BABAM2: variants seen among roughly 807,000 people sequenced by gnomAD.
BABAM2 encodes the protein BRISC and BRCA1 A complex member 2, also known as BRISC and BRCA1-A complex member 2.
Under a neutral mutation model 54.7 loss-of-function variants are expected in BABAM2, and 31 were observed. The ratio of observed to expected loss-of-function variants is 0.57; its 90% CI spans 0.43 to 0.77. The LOEUF (loss-of-function observed/expected upper bound fraction) is 0.77. BABAM2 is among the 30% of genes least tolerant of loss of function. BABAM2 has a pLI of 0.00. For missense variants in BABAM2, 364 were observed against 455.8 expected (o/e 0.80, Z 1.83); for synonymous variants, 167 against 162.9 (o/e 1.03, Z -0.19).
In BABAM2 at chr2:28,241,528, T is replaced by A; in HGVS notation, c.851+135T>A. 2 of 782,356 alleles carry A rather than the reference T, an allele frequency of 2.6e-6. 1 individual carries two copies. Among genetic ancestry groups the A allele is most frequent in the Non-Finnish European group, 4.2e-6 (2 of 474,344 alleles). 48.5% of individuals were successfully genotyped at this position (782,356 alleles called of 1,614,324 possible). Reference sequence around the variant, plus strand: ...TTTTTTTTTTTTGAGACAGTCTCGCTCTGTCACCCAGGCTGGAGTGTAATG... The same window carrying A: ...TTTTTTTTTTTTGAGACAGTCTCGCACTGTCACCCAGGCTGGAGTGTAATG... On this transcript the variant is annotated intron_variant, in intron 9 of 11. Transcript: ENST00000379624.
chr2:28,284,327 A>G (rs1686621497), intron 10 of BABAM2, among the ~76,000 whole-genome samples: 1 of 152,092 alleles, frequency 6.6e-6, no homozygotes, highest in Non-Finnish European at 1.5e-5. Flanking sequence ...ACAAAACAAA[A>G]AGCTGGACAA....
At chr2:28,281,762 G>A (rs1686380714) in intron 10 of BABAM2, among the ~76,000 whole-genome samples, 1 of 152,192 alleles carries the variant, frequency 6.6e-6, no homozygotes, top group African/African-American at 2.4e-5. Context: ...TTCTAAACAA[G>A]CTACTTTGTG....
chr2:27,926,746 G>C (rs1667735188), intron 2 of BABAM2, among the ~76,000 whole-genome samples: 1 of 151,474 alleles, frequency 6.6e-6, no homozygotes, highest in South Asian at 2.1e-4. Flanking sequence ...TTATCTAAAT[G>C]AAAAAAATCA....
At chr2:28,192,270 G>T (rs537988412) in intron 7 of BABAM2, among the ~76,000 whole-genome samples, 1 of 152,036 alleles carries the variant, frequency 6.6e-6, no homozygotes, top group Non-Finnish European at 1.5e-5. Context: ...TCCTGACCTC[G>T]TGATCTGCCT....
At chr2:28,087,622 T>C (rs934300727) in intron 6 of BABAM2, among the ~76,000 whole-genome samples, 2 of 152,024 alleles carry the variant, frequency 1.3e-5, no homozygotes, top group African/African-American at 4.8e-5. Flanking sequence ...CCAGTACCTC[T>C]ATTTTACCTT....
intron 7 of BABAM2, among the ~76,000 whole-genome samples, chr2:28,175,253 T>G (rs1260464901): frequency 6.6e-6 from 1 of 152,190 alleles, no homozygotes; most frequent in African/African-American, 2.4e-5. Context: ...CCTGCAGGGC[T>G]GCAGAGCACT....
chr2:27,989,762 T>G (rs1672651627), intron 4 of BABAM2, among the ~76,000 whole-genome samples: 1 of 152,140 alleles, frequency 6.6e-6, no homozygotes, highest in Non-Finnish European at 1.5e-5. Flanking sequence ...AGAAACAGCA[T>G]AATGGAAAGA....
At chr2:28,241,608 C>T (rs2148069494) in intron 9 of BABAM2, among the ~76,000 whole-genome samples, 1 of 152,250 alleles carries the variant, frequency 6.6e-6, no homozygotes, top group African/African-American at 2.4e-5. Context: ...GATTCTCCTG[C>T]CTCAGTCTCC....
intron 6 of BABAM2, among the ~76,000 whole-genome samples, chr2:28,083,601 C>T (rs537254167): frequency 1.3e-5 from 2 of 152,274 alleles, no homozygotes; most frequent in Non-Finnish European, 2.9e-5. Context: ...CCTCTTGGGA[C>T]ATGATCTTGC....
chr2:28,180,252 C>T (rs1362251408), intron 7 of BABAM2, among the ~76,000 whole-genome samples: 1 of 151,976 alleles, frequency 6.6e-6, no homozygotes. Context: ...CAGCATGATA[C>T]TGGTATGAAA....
Position 28,213,408 on chromosome 2 carries a change from T to C in BABAM2, c.681-23794T>C, listed in dbSNP as rs534334185. On this transcript the variant is annotated intron_variant, in intron 7 of 11. Coordinates refer to ENST00000379624, the MANE Select transcript of BABAM2 (RefSeq NM_199191.3). The stretch of plus-strand genomic sequence containing the variant: ...GGCGTTTGCCTACCTTTTTGAGACA[T>C]ACATGCAAATTGTTAGAAGTAATGG... 5.9e-5 allele frequency among the ~76,000 whole-genome samples: 9 copies of C among 152,196 alleles called. No homozygotes were observed. In the South Asian group the frequency reaches 1.9e-3, roughly 32 times the overall value.
At chr2:28,257,219 T>C (rs1007818670) in intron 10 of BABAM2, among the ~76,000 whole-genome samples, 2 of 152,196 alleles carry the variant, frequency 1.3e-5, no homozygotes, top group Non-Finnish European at 2.9e-5. Context: ...AATTTACATA[T>C]AGTAAAATTC....
At chr2:28,262,067 C>T (rs1684590329) in intron 10 of BABAM2, among the ~76,000 whole-genome samples, 1 of 152,146 alleles carries the variant, frequency 6.6e-6, no homozygotes, top group African/African-American at 2.4e-5. Context: ...TCACCCAACA[C>T]AGTAAGGGAG....
Position 28,183,395 on chromosome 2 carries a change from C to T in BABAM2, c.681-53807C>T, listed in dbSNP as rs144795458. On this transcript the variant is annotated intron_variant, in intron 7 of 11. Coordinates refer to ENST00000379624, the MANE Select transcript of BABAM2 (RefSeq NM_199191.3). Reference sequence around the variant, plus strand: ...GGCAGAGGTTGCAGTGAGCTGAGATCGTGCCATTGCACTCCAGCCTAGGCA... The same window carrying T: ...GGCAGAGGTTGCAGTGAGCTGAGATTGTGCCATTGCACTCCAGCCTAGGCA... Among the ~76,000 whole-genome samples the T allele has an allele frequency of 3.2e-4, 49 of 152,124 alleles. No homozygotes were observed. In the East Asian group the frequency reaches 8.9e-3, roughly 28 times the overall value.
intron 6 of BABAM2, among the ~76,000 whole-genome samples, chr2:28,110,514 C>T (rs1667905748): frequency 6.6e-6 from 1 of 151,958 alleles, no homozygotes; most frequent in Non-Finnish European, 1.5e-5. Context: ...ATCCCAGCTA[C>T]TCGAGAGGCT....
chr2:28,035,600 C>T (rs943728441), intron 5 of BABAM2, among the ~76,000 whole-genome samples: 4 of 152,088 alleles, frequency 2.6e-5, no homozygotes, highest in African/African-American at 9.7e-5. Flanking sequence ...TTTAACCACA[C>T]GGAACTGTTA....
chr2:28,283,642 A>C (rs532573147), intron 10 of BABAM2, among the ~76,000 whole-genome samples: 1 of 152,326 alleles, frequency 6.6e-6, no homozygotes, highest in South Asian at 2.1e-4. Flanking sequence ...GTAAGAGTAC[A>C]AGAAGAGTAA....
chr2:28,127,094 G>C (rs1473760925), intron 6 of BABAM2, among the ~76,000 whole-genome samples: 1 of 152,092 alleles, frequency 6.6e-6, no homozygotes, highest in African/African-American at 2.4e-5. Context: ...TAGGTTGCCT[G>C]TTCACTCTGA....
At chr2:27,952,732 C>CA (rs919001908) in intron 3 of BABAM2, among the ~76,000 whole-genome samples, 2 of 152,174 alleles carry the variant, frequency 1.3e-5, no homozygotes, top group Admixed American at 6.5e-5. Flanking sequence ...TAGCAGGCTT[C>CA]ATGTAGCATT....
Sources: gnomAD v4.1 joint callset for allele counts (sites outside exome capture counted in the v4.1 genomes callset) on GRCh38, gnomAD v4.1.1 for gene constraint, MANE v1.5 for transcripts, NCBI Gene and HGNC (gene_info 2026-07-23, HGNC 2026-07-21) for gene names.